DOCK7: variants seen among roughly 807,000 people sequenced by gnomAD.
DOCK7 encodes the protein dedicator of cytokinesis protein 7.
DOCK7 carries 138 observed loss-of-function variants against 271.0 expected under a neutral mutation model. The ratio of observed to expected loss-of-function variants is 0.51; its 90% CI spans 0.44 to 0.59. DOCK7 has a LOEUF of 0.59. Ranked by LOEUF, DOCK7 falls within the 20% of genes least tolerant of loss-of-function variation. The pLI is 0.00. For missense variants in DOCK7, 2,066 were observed against 2,592.4 expected, an observed-to-expected ratio of 0.80 and a Z score of 4.41; for synonymous variants, 823 against 876.1, an observed-to-expected ratio of 0.94 and a Z score of 1.07.
chr1:62,457,163 G>C (rs1165148803), intron 49 of DOCK7, among the ~76,000 whole-genome samples: 1 of 152,138 alleles, frequency 6.6e-6, no homozygotes, highest in Non-Finnish European at 1.5e-5. Flanking sequence ...CCAAGTTAAT[G>C]ACAAGACTTT....
intron 2 of DOCK7, among the ~76,000 whole-genome samples, chr1:62,655,958 T>C (rs1165762934): frequency 3.9e-5 from 6 of 152,172 alleles, no homozygotes; most frequent in Non-Finnish European, 8.8e-5. Flanking sequence ...GAGCAGAAAT[T>C]TGAAACTGGG....
chr1:62,522,835 C>T (rs1176556110), intron 31 of DOCK7, among the ~76,000 whole-genome samples: 3 of 151,870 alleles, frequency 2.0e-5, no homozygotes, highest in Non-Finnish European at 2.9e-5. Context: ...AATCATTGTA[C>T]AAAAATCAAT....
rs1319415118 is a variant in DOCK7 at position 62,529,255 on chromosome 1, T to C, written c.3781+22A>G. 6 of 1,549,800 alleles carry C rather than the reference T, an allele frequency of 3.9e-6. No individual in the cohort carries two copies. In the South Asian group the frequency reaches 6.3e-5, roughly 16 times the overall value. On this transcript the variant is annotated intron_variant, in intron 30 of 49. Coordinates refer to ENST00000635253, the MANE Select transcript of DOCK7 (RefSeq NM_001367561.1). Reference sequence around the variant, plus strand: ...AAACATTGAGCTTTGCCTTTAATATTTGCCTTAATTATACTAGGTACCTGT... The same window carrying C: ...AAACATTGAGCTTTGCCTTTAATATCTGCCTTAATTATACTAGGTACCTGT...
chr1:62,578,993 A>C, intron 16 of DOCK7, 27 bp from the exon 17 acceptor site: 1 of 1,511,938 alleles, frequency 6.6e-7, no homozygotes, highest in Non-Finnish European at 8.8e-7. Flanking sequence ...AAAAAAATCA[A>C]CAGTCAGTAA....
At chr1:62,665,602 G>A (rs1464970863) in intron 1 of DOCK7, among the ~76,000 whole-genome samples, 1 of 151,058 alleles carries the variant, frequency 6.6e-6, no homozygotes, top group Non-Finnish European at 1.5e-5. Flanking sequence ...CTACTTGGGA[G>A]GCTGAGGCAG....
chr1:62,681,602 A>G (rs139805367), intron 1 of DOCK7, among the ~76,000 whole-genome samples: 2 of 152,060 alleles, frequency 1.3e-5, no homozygotes, highest in Non-Finnish European at 2.9e-5. Flanking sequence ...CAGAAATTGC[A>G]AGGGTGGCTA....
At chr1:62,457,928 C>T in intron 48 of DOCK7, 2 of 442,532 alleles carry the variant, frequency 4.5e-6, no homozygotes, top group East Asian at 3.7e-5. Context: ...GGCAGGTGGA[C>T]CACTTGAGCC....
chr1:62,534,942 T>A lies in DOCK7; in HGVS notation c.3611+551A>T, dbSNP rs149088774. 1.5e-4 allele frequency among the ~76,000 whole-genome samples: 23 copies of A among 151,696 alleles called. No homozygotes were observed. In the East Asian group the frequency reaches 4.5e-3, roughly 30 times the overall value. ...CCCATCTCTACTACAAAAAGAAAAA[T>A]TAGCTGGGTGTGGTGACGTGTGCCT... is the stretch of plus-strand genomic sequence containing the variant. On this transcript the variant is annotated intron_variant, in intron 29 of 49. Coordinates refer to ENST00000635253, the MANE Select transcript of DOCK7 (RefSeq NM_001367561.1).
Position 62,542,517 on chromosome 1 carries a change from C to G in DOCK7, c.3045+91G>C, listed in dbSNP as rs1645568921. The G allele has an allele frequency of 6.2e-6, 8 of 1,295,556 alleles. No individual in the cohort carries two copies. In the South Asian group the frequency reaches 8.4e-5, roughly 14 times the overall value. The allele number at this position is 1,295,556 out of a possible 1,614,324, so 80.3% of individuals were successfully genotyped here. On this transcript the variant is annotated intron_variant, in intron 25 of 49. Transcript: ENST00000635253. ...CATGGAAAAGCGTTAAGATGTGCAA[C>G]AGAAAAAGATTTCTAAGGTAACAAA...
rs759124640 is a variant in DOCK7, at chr1:62,492,696, T to A, written c.5361+8A>T. The A allele has an allele frequency of 1.2e-6, 2 of 1,613,542 alleles. No individual in the cohort carries two copies. Among genetic ancestry groups the A allele is most frequent in the Non-Finnish European group, 1.7e-6 (2 of 1,179,844 alleles). ...ACTGTGGGAAAAGAATTAACAAGAG[T>A]CATCTACCATAGAGAAGGAAGCAGC... On this transcript the variant is annotated splice_region_variant and intron_variant, in intron 41 of 49. Transcript: ENST00000635253.
chr1:62,633,635 G>A, intron 9 of DOCK7, 57 bp from the exon 10 acceptor site: 1 of 1,230,808 alleles, frequency 8.1e-7, no homozygotes, highest in South Asian at 1.3e-5. Flanking sequence ...ATTCAAGGAT[G>A]GTTCAATATA....
At chr1:62,515,531 C>T (rs953966717) in intron 31 of DOCK7, among the ~76,000 whole-genome samples, 2 of 152,172 alleles carry the variant, frequency 1.3e-5, no homozygotes, top group African/African-American at 2.4e-5. Context: ...TCTTGACAAA[C>T]AGGCATATGC....
At chr1:62,513,316 G>T (rs1644554571) in intron 33 of DOCK7, 128 bp downstream of exon 33, 4 of 679,010 alleles carry the variant, frequency 5.9e-6, no homozygotes, top group South Asian at 4.3e-5. Context: ...TTACTGCAGA[G>T]AAATGATTAT....
rs1652783299 is a variant in DOCK7, at chr1:62,618,845, G to A, written c.1543C>T (p.Pro515Ser). 1.2e-6 allele frequency: 2 copies of A among 1,613,764 alleles called. No homozygotes were observed. Among genetic ancestry groups the A allele is most frequent in the Non-Finnish European group, 8.5e-7 (1 of 1,179,778 alleles). ...ITAQLKIDISPAPENPHYCLT... is the reference protein window; with the variant it reads ...ITAQLKIDISSAPENPHYCLT... ...CAATAATGGGGATTTTCAGGTGCGGGAGAAATGTCTATCTTGAGCTGAGCT... is the reference window on the plus strand; with the variant it reads ...CAATAATGGGGATTTTCAGGTGCGGAAGAAATGTCTATCTTGAGCTGAGCT... The change falls in exon 14 of 50, where the codon CCC becomes TCC. Residue 515 changes from proline to serine, a missense_variant. By Grantham distance (74) the Pro-to-Ser change is moderately conservative. Coordinates refer to ENST00000635253, the MANE Select transcript of DOCK7 (RefSeq NM_001367561.1).
chr1:62,657,942 C>T lies in DOCK7; in HGVS notation c.145-3783G>A, dbSNP rs188775323. Among the ~76,000 whole-genome samples, 315 of 151,644 alleles carry T rather than the reference C, an allele frequency of 2.1e-3. 2 individuals carry two copies. Among genetic ancestry groups the T allele is most frequent in the African/African-American group, 7.3e-3 (300 of 41,366 alleles). ...CAGGGACAAACTACACTAAAATATC[C>T]AATACTGGCATCACCAGAGTCCTAG... On this transcript the variant is annotated intron_variant, in intron 2 of 49. Coordinates refer to ENST00000635253, the MANE Select transcript of DOCK7 (RefSeq NM_001367561.1).
intron 1 of DOCK7, among the ~76,000 whole-genome samples, chr1:62,685,028 T>C (rs761691312): frequency 6.6e-5 from 10 of 152,112 alleles, no homozygotes; most frequent in Non-Finnish European, 1.2e-4. Context: ...AGCAACAAAT[T>C]TCATATACGA....
At chr1:62,623,705 A>G (rs1263089409) in intron 12 of DOCK7, among the ~76,000 whole-genome samples, 1 of 152,212 alleles carries the variant, frequency 6.6e-6, no homozygotes, top group South Asian at 2.1e-4. Flanking sequence ...TCCTAGCTAT[A>G]TCTGGTCTAT....
intron 1 of DOCK7, among the ~76,000 whole-genome samples, chr1:62,671,011 G>A (rs1476262584): frequency 1.3e-5 from 2 of 151,972 alleles, no homozygotes; most frequent in East Asian, 3.9e-4. Flanking sequence ...GAGCCCACCG[G>A]GAGGAACGAA....
chr1:62,644,535 G>A (rs573641630), intron 7 of DOCK7, among the ~76,000 whole-genome samples: 4 of 152,060 alleles, frequency 2.6e-5, no homozygotes, highest in African/African-American at 4.8e-5. Context: ...CTTACTCCTG[G>A]GAAATTATGA....
Sources: allele counts gnomAD v4.1 joint callset (sites outside exome capture counted in the v4.1 genomes callset), GRCh38; gene constraint gnomAD v4.1.1; transcripts MANE v1.5; gene names NCBI Gene and HGNC (gene_info 2026-07-23, HGNC 2026-07-21).